Variants in TNFRSF19 observed in about 807,000 individuals in gnomAD.
The protein encoded by TNFRSF19 is tumor necrosis factor receptor superfamily member 19.
Under a neutral mutation model 46.4 loss-of-function variants are expected in TNFRSF19, and 27 were observed. That is an observed-to-expected ratio of 0.58 (90% confidence interval 0.43 to 0.80). The LOEUF (loss-of-function observed/expected upper bound fraction) is 0.80. Ranked by LOEUF, TNFRSF19 falls within the 30% of genes least tolerant of loss-of-function variation. The pLI is 0.00. For missense variants in TNFRSF19, 511 were observed against 530.8 expected, an observed-to-expected ratio of 0.96 and a Z score of 0.37; for synonymous variants, 204 against 205.0, an observed-to-expected ratio of 1.00 and a Z score of 0.04.
chr13:23,609,348 C>T (rs758489363), intron 3 of TNFRSF19, among the ~76,000 whole-genome samples: 3 of 152,170 alleles, frequency 2.0e-5, no homozygotes, highest in South Asian at 2.1e-4. Context: ...GAGGGTTACT[C>T]GGCCATCAGG....
chr13:23,619,460 TGG>T (rs1881511727), intron 4 of TNFRSF19, among the ~76,000 whole-genome samples: 1 of 152,068 alleles, frequency 6.6e-6, no homozygotes, highest in Non-Finnish European at 1.5e-5. Flanking sequence ...ATTGTGGTGA[TGG>T]TTGTACAACT....
intron 1 of TNFRSF19, among the ~76,000 whole-genome samples, chr13:23,572,459 T>C (rs1877693646): frequency 6.6e-6 from 1 of 152,226 alleles, no homozygotes; most frequent in Non-Finnish European, 1.5e-5. Flanking sequence ...AGAAATAGTG[T>C]GTCTGAAACT....
chr13:23,607,635 A>G (rs148067803), intron 3 of TNFRSF19, among the ~76,000 whole-genome samples: 245 of 151,956 alleles, frequency 1.6e-3, no homozygotes, highest in African/African-American at 5.7e-3. Context: ...ACAACAAAAG[A>G]TTTTTTTATA....
At chr13:23,638,999 G>T (rs1247397764) in intron 5 of TNFRSF19, among the ~76,000 whole-genome samples, 1 of 152,084 alleles carries the variant, frequency 6.6e-6, no homozygotes, top group Admixed American at 6.5e-5. Context: ...CTATTGAGAA[G>T]AAATAAGAGC....
At chr13:23,582,418 T>C (rs1032524697) in intron 1 of TNFRSF19, among the ~76,000 whole-genome samples, 4 of 151,800 alleles carry the variant, frequency 2.6e-5, no homozygotes, top group African/African-American at 7.3e-5. Flanking sequence ...AAAATAATAA[T>C]AAAGATTTGG....
intron 5 of TNFRSF19, among the ~76,000 whole-genome samples, chr13:23,631,378 T>C (rs1055990211): frequency 6.6e-6 from 1 of 152,202 alleles, no homozygotes; most frequent in African/African-American, 2.4e-5. Flanking sequence ...GTACATACTA[T>C]TTTGGATTCT....
At chr13:23,609,628 C>T (rs948438012) in intron 3 of TNFRSF19, among the ~76,000 whole-genome samples, 18 of 152,128 alleles carry the variant, frequency 1.2e-4, no homozygotes, top group Non-Finnish European at 1.0e-4. Flanking sequence ...CTTTTCTAAC[C>T]AATTATTGGG....
chr13:23,675,809 A>G lies in TNFRSF19; in HGVS notation c.*2429A>G, dbSNP rs951446696. The G allele has an allele frequency of 6.6e-6, 1 of 152,186 alleles. No individual in the cohort carries two copies. Among genetic ancestry groups the G allele is most frequent in the Non-Finnish European group, 1.5e-5 (1 of 68,030 alleles). The allele number at this position is 152,186 out of a possible 1,614,324, so 9.4% of individuals were successfully genotyped here. ...AGGAGGATTTCAAGAGCAACCAAGTAAAGTCATGAATTTTCTAATTTTGTG... is the reference window on the plus strand; with the variant it reads ...AGGAGGATTTCAAGAGCAACCAAGTGAAGTCATGAATTTTCTAATTTTGTG... On this transcript the variant is annotated 3_prime_UTR_variant, in exon 10 of 10. Transcript: ENST00000248484.
At chr13:23,602,303 T>C (rs1328108546) in intron 3 of TNFRSF19, among the ~76,000 whole-genome samples, 2 of 152,126 alleles carry the variant, frequency 1.3e-5, no homozygotes, top group Non-Finnish European at 2.9e-5. Flanking sequence ...AGGGAGCTAA[T>C]TGTCTAAGAA....
intron 3 of TNFRSF19, among the ~76,000 whole-genome samples, chr13:23,609,513 G>C (rs982654331): frequency 1.3e-5 from 2 of 152,174 alleles, no homozygotes; most frequent in African/African-American, 4.8e-5. Flanking sequence ...AATGCCAACA[G>C]TGTGCTTGTA....
chr13:23,601,032 G>T (rs1025820626), intron 3 of TNFRSF19, among the ~76,000 whole-genome samples: 26 of 152,168 alleles, frequency 1.7e-4, no homozygotes, highest in African/African-American at 6.0e-4. Context: ...CATTAATCAT[G>T]AATATTCTGA....
intron 9 of TNFRSF19, among the ~76,000 whole-genome samples, chr13:23,673,062 TA>T (rs1438847818): frequency 1.3e-5 from 2 of 152,230 alleles, no homozygotes; most frequent in Non-Finnish European, 2.9e-5. Flanking sequence ...AATGTTTGAA[TA>T]AGGTTGAAAG....
rs370308115 is a variant in TNFRSF19 at position 23,591,123 on chromosome 13, G to T, written c.69+871G>T. ...AATGATCTACAGATATATAAAGAAAGATTTACACTGAAGACAGTATGCAAA... is the reference window on the plus strand; with the variant it reads ...AATGATCTACAGATATATAAAGAAATATTTACACTGAAGACAGTATGCAAA... On this transcript the variant is annotated intron_variant, in intron 2 of 9. Coordinates refer to ENST00000248484, the MANE Select transcript of TNFRSF19 (RefSeq NM_148957.4). Among the ~76,000 whole-genome samples the T allele has an allele frequency of 9.2e-5, 14 of 152,288 alleles. No homozygotes were observed. In the East Asian group the frequency reaches 2.1e-3, roughly 23 times the overall value.
At position 23,674,012 on chromosome 13, in the gene TNFRSF19, C is replaced by G. The variant is rs1398780933; in HGVS notation, c.*632C>G. On this transcript the variant is annotated 3_prime_UTR_variant, in exon 10 of 10. Coordinates refer to ENST00000248484, the MANE Select transcript of TNFRSF19 (RefSeq NM_148957.4). The stretch of plus-strand genomic sequence containing the variant: ...AGGAATCAGACAGAGGAGGATAGCT[C>G]TTTCCAGAATCCACACTTCTGACCT... 2.0e-5 allele frequency: 3 copies of G among 152,164 alleles called. No individual in the cohort carries two copies. The highest frequency in any genetic ancestry group is 7.2e-5 in the African/African-American group (3 of 41,422). The allele number at this position is 152,164 out of a possible 1,614,324, so 9.4% of individuals were successfully genotyped here.
At chr13:23,618,242 A>T (rs1254884846) in intron 4 of TNFRSF19, among the ~76,000 whole-genome samples, 2 of 152,216 alleles carry the variant, frequency 1.3e-5, no homozygotes, top group Non-Finnish European at 2.9e-5. Context: ...GGCAAATCAT[A>T]TGTCTGGTAA....
At chr13:23,601,291 A>G (rs1400750177) in intron 3 of TNFRSF19, among the ~76,000 whole-genome samples, 2 of 152,226 alleles carry the variant, frequency 1.3e-5, no homozygotes, top group Non-Finnish European at 2.9e-5. Flanking sequence ...TAAGAATGAC[A>G]TCTGACTTTT....
intron 5 of TNFRSF19, among the ~76,000 whole-genome samples, chr13:23,633,076 G>T (rs990227807): frequency 6.6e-6 from 1 of 151,680 alleles, no homozygotes; most frequent in Non-Finnish European, 1.5e-5. Flanking sequence ...CCCCAAAAAG[G>T]GGTGCAGGGA....
Position 23,650,887 on chromosome 13 carries a change from C to T in TNFRSF19, c.446-8163C>T, listed in dbSNP as rs530205596. Among the ~76,000 whole-genome samples the T allele has an allele frequency of 1.4e-4, 22 of 152,218 alleles. 1 individual carries two copies. The East Asian group carries it at 1.7e-3, about 12-fold the overall frequency. On this transcript the variant is annotated intron_variant, in intron 5 of 9. Coordinates refer to ENST00000248484, the MANE Select transcript of TNFRSF19 (RefSeq NM_148957.4). ...TCTAAAATATAAAAAACATAAATGA[C>T]GAAGCCTTCTTCTTTCACATGTATC... is the stretch of plus-strand genomic sequence containing the variant.
chr13:23,649,991 G>T (rs1883541178), intron 5 of TNFRSF19, among the ~76,000 whole-genome samples: 2 of 152,148 alleles, frequency 1.3e-5, no homozygotes, highest in African/African-American at 2.4e-5. Flanking sequence ...CCTGGAGAAG[G>T]TTCCATGTAC....
Sources: allele counts gnomAD v4.1 joint callset (sites outside exome capture counted in the v4.1 genomes callset), GRCh38; gene constraint gnomAD v4.1.1; transcripts MANE v1.5; gene names NCBI Gene and HGNC (gene_info 2026-07-23, HGNC 2026-07-21).